Variants in NOMO1 observed in about 807,000 individuals in gnomAD.
NOMO1 encodes the protein nodal modulator 3.
A neutral mutation model predicts 133.8 loss-of-function variants in NOMO1; 40 were observed. That is an observed-to-expected ratio of 0.30 (90% CI 0.23 to 0.39). The LOEUF is 0.39. Among genes scored for constraint, NOMO1 ranks in the 10% least tolerant of loss-of-function variants. The pLI, the probability that NOMO1 is intolerant of heterozygous loss-of-function variation, is 1.00. For missense variants in NOMO1, 462 were observed against 1,419.9 expected (o/e 0.33, Z 10.84); for synonymous variants, 236 against 570.5 (o/e 0.41, Z 8.36).
chr16:14,846,536 G>T (rs1176571895), intron 4 of NOMO1, 41 bp from the exon 5 acceptor site: 2 of 639,486 alleles, frequency 3.1e-6, no homozygotes, highest in Non-Finnish European at 5.4e-6. Context: ...TGAGAGGAGG[G>T]TGCTTTGCTG....
chr16:14,892,849 C>G lies in NOMO1; in HGVS notation c.3445-2149C>G, dbSNP rs578216687. ...CTCAAGTGAGGCGGTTTGTCTCAAGCCACATGGTTTCCACCTCGTTCTGCC... is the reference window on the plus strand; with the variant it reads ...CTCAAGTGAGGCGGTTTGTCTCAAGGCACATGGTTTCCACCTCGTTCTGCC... On this transcript the variant is annotated intron_variant, in intron 29 of 30. Coordinates refer to ENST00000287667, the MANE Select transcript of NOMO1 (RefSeq NM_014287.4). 2.8e-5 allele frequency among the ~76,000 whole-genome samples: 4 copies of G among 145,234 alleles called. No individual in the cohort carries two copies. The Admixed American group carries it at 2.8e-4, about 10-fold the overall frequency.
chr16:14,869,766 G>T (rs1272746594), intron 16 of NOMO1, among the ~76,000 whole-genome samples: 1 of 151,774 alleles, frequency 6.6e-6, no homozygotes, highest in East Asian at 1.9e-4. Context: ...CCTGGGAATG[G>T]AATTGCTGCA....
At position 14,870,887 on chromosome 16, in the gene NOMO1, C is replaced by T. The variant is rs376715704; in HGVS notation, c.1895-734C>T. Among the ~76,000 whole-genome samples the T allele has an allele frequency of 1.4e-3, 202 of 147,910 alleles. 1 individual carries two copies. Among genetic ancestry groups the T allele is most frequent in the Admixed American group, 9.7e-3 (143 of 14,776 alleles). Reference sequence around the variant, plus strand: ...ACCTGGCCAGGAAGAGGTGCTCTGTCGATATTTGTTGAATGAAAGACCAAA... The same window carrying T: ...ACCTGGCCAGGAAGAGGTGCTCTGTTGATATTTGTTGAATGAAAGACCAAA... On this transcript the variant is annotated intron_variant, in intron 16 of 30. Transcript: ENST00000287667.
At chr16:14,836,212 C>A (rs1011632434) in intron 1 of NOMO1, among the ~76,000 whole-genome samples, 7 of 152,014 alleles carry the variant, frequency 4.6e-5, no homozygotes, top group African/African-American at 1.7e-4. Context: ...CAGTCCCTGC[C>A]TTAAATGCAT....
In NOMO1 at chr16:14,895,674, T is replaced by C; in HGVS notation, c.*29T>C. On this transcript the variant is annotated 3_prime_UTR_variant, in exon 31 of 31. Transcript: ENST00000287667. ...GGAAGGGGACAGTTGCAGTCTCACT[T>C]GGGACAGGCCACAGCCAGGGGTCCG... The C allele has an allele frequency of 6.2e-7, 1 of 1,611,962 alleles. No homozygotes were observed. The highest frequency in any genetic ancestry group is 1.7e-5 in the Admixed American group (1 of 60,010).
intron 24 of NOMO1, 131 bp from the exon 25 acceptor site, chr16:14,881,413 G>A: frequency 6.2e-7 from 1 of 1,602,924 alleles, no homozygotes. Flanking sequence ...GCCACACTGA[G>A]TTGCCTGGGT....
At chr16:14,859,255 G>A (rs1422112784) in intron 11 of NOMO1, among the ~76,000 whole-genome samples, 2 of 151,940 alleles carry the variant, frequency 1.3e-5, no homozygotes, top group Non-Finnish European at 2.9e-5. Flanking sequence ...CAGTCCCCTG[G>A]CTTGATCACT....
At chr16:14,837,164 C>T (rs1200351616) in intron 1 of NOMO1, among the ~76,000 whole-genome samples, 9 of 151,902 alleles carry the variant, frequency 5.9e-5, no homozygotes, top group African/African-American at 1.7e-4. Context: ...GCTACAGGCA[C>T]GTGCCATCAT....
chr16:14,859,159 A>C (rs397833904), intron 11 of NOMO1, among the ~76,000 whole-genome samples: 2 of 151,526 alleles, frequency 1.3e-5, no homozygotes, highest in Non-Finnish European at 2.9e-5. Context: ...CCTAGGGAGC[A>C]TGAGGTCACA....
intron 27 of NOMO1, among the ~76,000 whole-genome samples, chr16:14,885,958 T>C (rs1429965175): frequency 6.6e-6 from 1 of 152,080 alleles, no homozygotes; most frequent in Admixed American, 6.5e-5. Flanking sequence ...GTGACTTTCA[T>C]TTTAGGAAAA....
rs1267436627 is a variant in NOMO1 at position 14,884,948 on chromosome 16, C to G, written c.3222+466C>G. On this transcript the variant is annotated intron_variant, in intron 27 of 30. Coordinates refer to ENST00000287667, the MANE Select transcript of NOMO1 (RefSeq NM_014287.4). ...TTGGCTCCTCGTTCTGTAGGTTGTA[C>G]AGGAAGCATAGTGGTGTCTGCTTCT... Among the ~76,000 whole-genome samples the G allele has an allele frequency of 1.3e-5, 2 of 151,982 alleles. 1 individual carries two copies. The highest frequency in any genetic ancestry group is 4.8e-5 in the African/African-American group (2 of 41,280).
Position 14,857,648 on chromosome 16 carries a change from G to C in NOMO1, c.1213G>C (p.Ala405Pro). The change falls in exon 11 of 31, where the codon GCA (alanine) becomes CCA (proline). Residue 405 changes from alanine to proline, a missense_variant. Ala to Pro is a conservative substitution (Grantham distance 27, BLOSUM62 -1). Coordinates refer to ENST00000287667, the MANE Select transcript of NOMO1 (RefSeq NM_014287.4). ...PNTPQLADII[A>P]TGFSVCGQIS... The stretch of plus-strand genomic sequence containing the variant: ...CACACCTCAGCTGGCTGACATTATT[G>C]CAACAGGGTAAGCTTATCGTGTGGA... The C allele has an allele frequency of 1.2e-6, 2 of 1,613,720 alleles. No individual in the cohort carries two copies. Among genetic ancestry groups the C allele is most frequent in the Non-Finnish European group, 1.7e-6 (2 of 1,179,846 alleles).
At chr16:14,850,725 CTCT>C (rs1345776291) in intron 6 of NOMO1, among the ~76,000 whole-genome samples, 1 of 151,826 alleles carries the variant, frequency 6.6e-6, no homozygotes, top group Non-Finnish European at 1.5e-5. Context: ...CACCTAGATT[CTCT>C]TCTTACTGTT....
intron 27 of NOMO1, 78 bp from the exon 28 acceptor site, chr16:14,886,683 C>G (rs1964328742): frequency 1.2e-6 from 2 of 1,609,380 alleles, no homozygotes; most frequent in Non-Finnish European, 1.7e-6. Flanking sequence ...CAGAAAGCGG[C>G]TGTCCTGAGG....
chr16:14,864,686 A>C lies in NOMO1; in HGVS notation c.1497A>C (p.Val499=). ...GGCCCATGATGGATGTGGCCTTTGTACAGTTCTTGGCATCAGTTTCTGGGA... is the reference window on the plus strand; with the variant it reads ...GGCCCATGATGGATGTGGCCTTTGTCCAGTTCTTGGCATCAGTTTCTGGGA... ...TNRPMMDVAF[V]QFLASVSGKV... is the part of the protein sequence containing the mutation. The change falls in exon 13 of 31, where the codon GTA becomes GTC. Residue 499 remains valine, a synonymous_variant. Coordinates refer to ENST00000287667, the MANE Select transcript of NOMO1 (RefSeq NM_014287.4). 6.2e-7 allele frequency: 1 copy of C among 1,613,252 alleles called. No individual in the cohort carries two copies. Among genetic ancestry groups the C allele is most frequent in the Non-Finnish European group, 8.5e-7 (1 of 1,179,724 alleles).
At chr16:14,874,111 C>A (rs551203161) in intron 18 of NOMO1, among the ~76,000 whole-genome samples, 1 of 146,926 alleles carries the variant, frequency 6.8e-6, no homozygotes, top group African/African-American at 2.5e-5. Context: ...GTCTGACCCC[C>A]CTCTGGGGTC....
chr16:14,866,878 T>C (rs1213905799), intron 15 of NOMO1, among the ~76,000 whole-genome samples, 187 bp downstream of exon 15: 3 of 149,850 alleles, frequency 2.0e-5, no homozygotes, highest in East Asian at 3.9e-4. Flanking sequence ...GAAGGACCCC[T>C]GTATTTAGGA....
chr16:14,843,493 A>C (rs1963635776), intron 3 of NOMO1, among the ~76,000 whole-genome samples: 2 of 151,958 alleles, frequency 1.3e-5, no homozygotes, highest in South Asian at 4.1e-4. Context: ...AAGGGTTTCC[A>C]TTGCTCCACA....
intron 23 of NOMO1, among the ~76,000 whole-genome samples, chr16:14,879,342 G>C (rs1056941381): frequency 6.6e-6 from 1 of 151,976 alleles, no homozygotes; most frequent in Admixed American, 6.5e-5. Flanking sequence ...CTGGAGACCG[G>C]GCAGCGGGGG....
Sources: allele counts gnomAD v4.1 joint callset (sites outside exome capture counted in the v4.1 genomes callset), GRCh38; gene constraint gnomAD v4.1.1; transcripts MANE v1.5; gene names NCBI Gene and HGNC (gene_info 2026-07-23, HGNC 2026-07-21).